The following PARD3 variants were observed in gnomAD, a reference collection of about 807,000 sequenced individuals.
PARD3 encodes par-3 family cell polarity regulator, also known as partitioning defective 3 homolog.
A neutral mutation model predicts 155.4 loss-of-function variants in PARD3; 75 were observed. The observed-to-expected ratio is 0.48, with a 90% confidence interval of 0.40 to 0.58. PARD3 has a LOEUF of 0.58. Ranked by LOEUF, PARD3 falls within the 20% of genes least tolerant of loss-of-function variation. The pLI is 0.00. For missense variants in PARD3, 1,642 were observed against 1,721.7 expected (o/e 0.95, Z 0.82); for synonymous variants, 576 against 610.5 (o/e 0.94, Z 0.83).
chr10:34,552,714 CAAA>C (rs10709334), intron 2 of PARD3, among the ~76,000 whole-genome samples: 1 of 140,670 alleles, frequency 7.1e-6, no homozygotes, highest in African/African-American at 2.6e-5. Flanking sequence ...AACTCCATCT[CAAA>C]AAAAAAAAAA....
chr10:34,205,854 G>A (rs556037559), intron 22 of PARD3, among the ~76,000 whole-genome samples: 5 of 152,202 alleles, frequency 3.3e-5, no homozygotes, highest in African/African-American at 4.8e-5. Flanking sequence ...CCACCACAGC[G>A]TATGCTCCGG....
chr10:34,413,129 T>C (rs1845261641), intron 5 of PARD3, among the ~76,000 whole-genome samples: 1 of 123,318 alleles, frequency 8.1e-6, no homozygotes. Flanking sequence ...CATTAGGCAG[T>C]ACTTCAGATA....
rs1257628512 is a variant in PARD3, at chr10:34,111,111, A to G, written c.*58T>C. The stretch of plus-strand genomic sequence containing the variant: ...GTTTTAAAAAAACTCCCAAAATACA[A>G]GTCTTCATAGGAAAATGTCTTTTAT... On this transcript the variant is annotated 3_prime_UTR_variant, in exon 25 of 25. Coordinates refer to ENST00000374788, the MANE Select transcript of PARD3 (RefSeq NM_001184785.2). 1 of 1,500,828 alleles carries G rather than the reference A, an allele frequency of 6.7e-7. No homozygotes were observed. The highest frequency in any genetic ancestry group is 8.9e-7 in the Non-Finnish European group (1 of 1,122,898). The allele number at this position is 1,500,828 out of a possible 1,614,324, so 93.0% of individuals were successfully genotyped here.
rs1301409150 is a variant in PARD3 at position 34,429,828 on chromosome 10, G to A, written c.714+20489C>T. 7.9e-5 allele frequency among the ~76,000 whole-genome samples: 12 copies of A among 152,138 alleles called. No homozygotes were observed. In the South Asian group the frequency reaches 1.7e-3, roughly 21 times the overall value. On this transcript the variant is annotated intron_variant, in intron 5 of 24. Coordinates refer to ENST00000374788, the MANE Select transcript of PARD3 (RefSeq NM_001184785.2). ...TCTCAAACTCCTGACCTTGTGATCC[G>A]CCCGCCTCGGCCTCCCAAAGTGCTG... is the stretch of plus-strand genomic sequence containing the variant.
At chr10:34,126,902 CA>C (rs1391223495) in intron 23 of PARD3, among the ~76,000 whole-genome samples, 1 of 151,824 alleles carries the variant, frequency 6.6e-6, no homozygotes, top group Non-Finnish European at 1.5e-5. Flanking sequence ...GCCTGTCATC[CA>C]AATAATTCCC....
intron 1 of PARD3, among the ~76,000 whole-genome samples, chr10:34,772,734 C>G (rs1470121913): frequency 7.1e-6 from 1 of 141,364 alleles, no homozygotes; most frequent in East Asian, 2.1e-4. Flanking sequence ...GCAGAGGTTG[C>G]AGTGAGCCGA....
chr10:34,569,707 G>A lies in PARD3; in HGVS notation c.223-52548C>T, dbSNP rs187783299. The stretch of plus-strand genomic sequence containing the variant: ...GCTGGGATTACAGGCGTGAGCCACC[G>A]TGCCCGGCACCTACTAGTGACTAAT... On this transcript the variant is annotated intron_variant, in intron 2 of 24. Transcript: ENST00000374788. Among the ~76,000 whole-genome samples the A allele has an allele frequency of 3.9e-5, 6 of 152,178 alleles. No homozygotes were observed. In the East Asian group the frequency reaches 5.8e-4, roughly 15 times the overall value.
chr10:34,592,551 A>G (rs2088807580), intron 2 of PARD3, among the ~76,000 whole-genome samples: 1 of 152,172 alleles, frequency 6.6e-6, no homozygotes, highest in Admixed American at 6.5e-5. Flanking sequence ...CAAGGCAGAC[A>G]GATCACCAGA....
intron 10 of PARD3, among the ~76,000 whole-genome samples, chr10:34,376,002 C>A (rs1483185897): frequency 6.6e-6 from 1 of 151,960 alleles, no homozygotes. Context: ...CAAGGACAAG[C>A]GGCCTTTTCA....
Position 34,227,861 on chromosome 10 carries a change from TA to T in PARD3, c.3419+41795del, listed in dbSNP as rs1302451861. On this transcript the variant is annotated intron_variant, in intron 22 of 24. Transcript: ENST00000374788. Reference sequence around the variant, plus strand: ...CCAGTAATGGGAATTATTTTTTATATATATATATATATATATATATATACTG... The same window carrying T: ...CCAGTAATGGGAATTATTTTTTATATTATATATATATATATATATATACTG... Among the ~76,000 whole-genome samples the T allele has an allele frequency of 7.1e-5, 8 of 112,738 alleles. 1 individual carries two copies. The allele number at this position is 112,738 out of a possible 152,430, so 74.0% of individuals were successfully genotyped here.
At chr10:34,684,776 C>T (rs1462949663) in intron 2 of PARD3, among the ~76,000 whole-genome samples, 1 of 92,048 alleles carries the variant, frequency 1.1e-5, no homozygotes, top group Non-Finnish European at 2.1e-5. Context: ...CTTGATGATA[C>T]ATACACACAC....
chr10:34,785,162 G>C (rs971506941), intron 1 of PARD3, among the ~76,000 whole-genome samples: 2 of 152,266 alleles, frequency 1.3e-5, no homozygotes, highest in Non-Finnish European at 2.9e-5. Context: ...ATGCAGGAAT[G>C]TCATTAATCT....
chr10:34,520,883 C>T (rs1029909338), intron 2 of PARD3, among the ~76,000 whole-genome samples: 1 of 152,148 alleles, frequency 6.6e-6, no homozygotes, highest in African/African-American at 2.4e-5. Context: ...TCATTTCAAG[C>T]TCTGCATGAA....
intron 22 of PARD3, among the ~76,000 whole-genome samples, chr10:34,221,610 A>G (rs890485585): frequency 6.6e-6 from 1 of 152,162 alleles, no homozygotes; most frequent in African/African-American, 2.4e-5. Context: ...TAAAACACGA[A>G]TGACCAGGGA....
rs112785388 is a variant in PARD3 at position 34,351,804 on chromosome 10, G to A, written c.2068-3689C>T. 1.8e-3 allele frequency among the ~76,000 whole-genome samples: 272 copies of A among 152,358 alleles called. 2 individuals carry two copies. The highest frequency in any genetic ancestry group is 6.2e-3 in the African/African-American group (258 of 41,584). ...CAATTAGATCCACTCACTTGTGTAA[G>A]AGAAACAGACATTTTGCTTCTAAAT... On this transcript the variant is annotated intron_variant, in intron 14 of 24. Transcript: ENST00000374788.
intron 1 of PARD3, among the ~76,000 whole-genome samples, chr10:34,794,681 T>C (rs1052616347): frequency 3.9e-5 from 6 of 152,238 alleles, no homozygotes; most frequent in African/African-American, 1.4e-4. Flanking sequence ...GTTATTATCA[T>C]TATCTCTTTC....
intron 2 of PARD3, among the ~76,000 whole-genome samples, chr10:34,560,591 TAAC>T (rs1162769087): frequency 6.6e-5 from 10 of 152,232 alleles, no homozygotes; most frequent in Admixed American, 5.9e-4. Context: ...TCTGTAATAT[TAAC>T]AACAATTTCT....
intron 1 of PARD3, among the ~76,000 whole-genome samples, chr10:34,771,270 C>A (rs1329487412): frequency 6.6e-6 from 1 of 152,204 alleles, no homozygotes; most frequent in Non-Finnish European, 1.5e-5. Context: ...AAAGACGGTG[C>A]AGCTCAGAAC....
intron 22 of PARD3, among the ~76,000 whole-genome samples, chr10:34,174,114 A>C (rs573539864): frequency 1.3e-5 from 2 of 152,234 alleles, no homozygotes; most frequent in African/African-American, 2.4e-5. Context: ...GTCACCAAGC[A>C]TAACGATGCT....
Sources: gnomAD v4.1 joint callset for allele counts (sites outside exome capture counted in the v4.1 genomes callset) on GRCh38, gnomAD v4.1.1 for gene constraint, MANE v1.5 for transcripts, NCBI Gene and HGNC (gene_info 2026-07-23, HGNC 2026-07-21) for gene names.